GRIP1: variants seen among roughly 807,000 people sequenced by gnomAD.
The protein encoded by GRIP1 is glutamate receptor interacting protein 1.
Under a neutral mutation model 129.9 loss-of-function variants are expected in GRIP1, and 45 were observed. That is an observed-to-expected ratio of 0.35 (90% CI 0.27 to 0.44). The LOEUF (loss-of-function observed/expected upper bound fraction) is 0.44, where lower values mean the gene tolerates loss of function less well. GRIP1 is among the 20% of genes least tolerant of loss of function. The probability of loss-of-function intolerance (pLI) is 1.00; values close to 1 mark genes in which losing one functional copy is unlikely to be tolerated. For synonymous variants in GRIP1, 530 were observed against 520.8 expected (o/e 1.02, Z -0.24); for missense variants, 1,196 against 1,396.8 (o/e 0.86, Z 2.29).
rs112328728 is a variant in GRIP1, at chr12:66,361,079, C to T, written c.3013-7516G>A. On this transcript the variant is annotated intron_variant, in intron 23 of 24. Transcript: ENST00000359742. ...CAGTTTTGAGGACAATCCTATACTA[C>T]CTATGGTGCTGGAAGAAAACGAAAT... Among the ~76,000 whole-genome samples the T allele has an allele frequency of 6.9e-4, 105 of 152,320 alleles. 1 individual carries two copies. The highest frequency in any genetic ancestry group is 1.2e-3 in the Non-Finnish European group (81 of 68,034).
chr12:66,470,275 A>G (rs2059400901), intron 7 of GRIP1, among the ~76,000 whole-genome samples: 1 of 152,010 alleles, frequency 6.6e-6, no homozygotes, highest in African/African-American at 2.4e-5. Context: ...TGCTTCCTTC[A>G]CCAGTTTTGT....
chr12:66,391,709 G>A (rs2056594827), intron 19 of GRIP1, among the ~76,000 whole-genome samples: 1 of 152,100 alleles, frequency 6.6e-6, no homozygotes, highest in African/African-American at 2.4e-5. Flanking sequence ...AAATCAGCTG[G>A]GTGTGGTGGT....
At chr12:66,789,466 G>A (rs1237255693) in intron 1 of GRIP1, among the ~76,000 whole-genome samples, 2 of 151,980 alleles carry the variant, frequency 1.3e-5, no homozygotes, top group Non-Finnish European at 2.9e-5. Flanking sequence ...AAGATGGCTA[G>A]AAAGACCAAA....
chr12:66,696,917 C>T (rs2035186201), intron 1 of GRIP1, among the ~76,000 whole-genome samples: 1 of 151,160 alleles, frequency 6.6e-6, no homozygotes, highest in Admixed American at 6.6e-5. Context: ...AAAAAAGTTG[C>T]TTGTTGAATA....
At chr12:66,391,536 T>C (rs1234587274) in intron 19 of GRIP1, among the ~76,000 whole-genome samples, 1 of 152,202 alleles carries the variant, frequency 6.6e-6, no homozygotes, top group Non-Finnish European at 1.5e-5. Context: ...TTTCCTATAT[T>C]GTGATTATAG....
At chr12:67,043,880 T>A (rs1007137088) in intron 1 of GRIP1, among the ~76,000 whole-genome samples, 42 of 152,018 alleles carry the variant, frequency 2.8e-4, no homozygotes, top group Middle Eastern at 3.4e-3. Flanking sequence ...TTTTTTTTTT[T>A]AAAAAGGAGA....
chr12:66,624,580 A>G (rs557130270), intron 1 of GRIP1, among the ~76,000 whole-genome samples: 1 of 152,164 alleles, frequency 6.6e-6, no homozygotes, highest in Non-Finnish European at 1.5e-5. Context: ...GGCTAAGTAC[A>G]TACAGCAAAG....
chr12:66,811,396 A>G (rs1009634238), intron 1 of GRIP1, among the ~76,000 whole-genome samples: 3 of 152,224 alleles, frequency 2.0e-5, no homozygotes, highest in African/African-American at 4.8e-5. Context: ...GTTGGACTAG[A>G]AAGTCTCTTC....
Position 66,764,344 on chromosome 12 carries a change from A to G in GRIP1, c.-420+39709T>C, listed in dbSNP as rs969149374. On this transcript the variant is annotated intron_variant, in intron 1 of 4. Transcript: ENST00000538373. ...TTAATAGTCTTAATGTGGTTTAGCT[A>G]CTGGATCATCACGTTCATATCAGCC... is the stretch of plus-strand genomic sequence containing the variant. Among the ~76,000 whole-genome samples, 15 of 152,218 alleles carry G rather than the reference A, an allele frequency of 9.9e-5. No individual in the cohort carries two copies. In the South Asian group the frequency reaches 2.9e-3, roughly 29 times the overall value.
chr12:66,562,745 C>T (rs1214384604), intron 2 of GRIP1, among the ~76,000 whole-genome samples: 1 of 152,122 alleles, frequency 6.6e-6, no homozygotes, highest in Non-Finnish European at 1.5e-5. Flanking sequence ...CCCCCGACCC[C>T]CTGCCGCACA....
chr12:66,472,686 AG>A (rs1381274179), intron 7 of GRIP1, among the ~76,000 whole-genome samples: 1 of 152,194 alleles, frequency 6.6e-6, no homozygotes, highest in Non-Finnish European at 1.5e-5. Flanking sequence ...AAGCCGAAGC[AG>A]GGTGGGGCGT....
intron 1 of GRIP1, among the ~76,000 whole-genome samples, chr12:67,046,867 G>A (rs930519896): frequency 9.2e-5 from 14 of 152,100 alleles, no homozygotes; most frequent in Non-Finnish European, 1.3e-4. Context: ...AGAGGAAAAC[G>A]GAAAAAAGCA....
intron 1 of GRIP1, among the ~76,000 whole-genome samples, chr12:66,641,319 C>G (rs561513248): frequency 6.6e-6 from 1 of 151,366 alleles, no homozygotes; most frequent in Non-Finnish European, 1.5e-5. Context: ...AGCCAGTGGG[C>G]GCTTTGACAA....
At chr12:66,930,271 A>G (rs1468262239) in intron 1 of GRIP1, among the ~76,000 whole-genome samples, 2 of 91,738 alleles carry the variant, frequency 2.2e-5, no homozygotes, top group Admixed American at 3.0e-4. Flanking sequence ...CCCACCCCAC[A>G]ACAGTCCCCA....
chr12:66,577,422 T>C (rs1198213697), intron 2 of GRIP1, among the ~76,000 whole-genome samples: 6 of 152,192 alleles, frequency 3.9e-5, no homozygotes, highest in African/African-American at 9.7e-5. Flanking sequence ...AAGGGGAAAA[T>C]ATGTGTATGT....
At chr12:66,392,224 C>G in intron 19 of GRIP1, 84 bp downstream of exon 19, 2 of 829,012 alleles carry the variant, frequency 2.4e-6, no homozygotes, top group East Asian at 2.4e-5. Flanking sequence ...GAAAGATATT[C>G]TCCTCATGGA....
intron 5 of GRIP1, among the ~76,000 whole-genome samples, chr12:66,522,187 A>G (rs1393742019): frequency 6.6e-6 from 1 of 152,240 alleles, no homozygotes; most frequent in African/African-American, 2.4e-5. Flanking sequence ...AGATCTGAGA[A>G]CAGGCAAACT....
intron 1 of GRIP1, among the ~76,000 whole-genome samples, chr12:66,832,306 A>G (rs2039533418): frequency 6.6e-6 from 1 of 152,216 alleles, no homozygotes; most frequent in Non-Finnish European, 1.5e-5. Context: ...AGTCATGAGC[A>G]CAATGCCTTA....
intron 4 of GRIP1, among the ~76,000 whole-genome samples, chr12:66,531,865 CTG>C (rs536518610): frequency 1.9e-3 from 290 of 152,176 alleles, no homozygotes; most frequent in African/African-American, 6.7e-3. Flanking sequence ...TAAGAATTTA[CTG>C]TGTGCTCAGA....
Sources: allele counts gnomAD v4.1 joint callset (sites outside exome capture counted in the v4.1 genomes callset), GRCh38; gene constraint gnomAD v4.1.1; transcripts MANE v1.5; gene names NCBI Gene and HGNC (gene_info 2026-07-23, HGNC 2026-07-21).